The following JAKMIP3 variants were observed in gnomAD, a reference collection of about 807,000 sequenced individuals.
The protein encoded by JAKMIP3 is Janus kinase and microtubule interacting protein 3, also known as janus kinase and microtubule-interacting protein 3.
Under a neutral mutation model 118.5 loss-of-function variants are expected in JAKMIP3, and 58 were observed. That is an observed-to-expected ratio of 0.49 (90% CI 0.40 to 0.61). JAKMIP3 has a LOEUF of 0.61. Ranked by LOEUF, JAKMIP3 falls within the 20% of genes least tolerant of loss-of-function variation. JAKMIP3 has a pLI of 0.00. For missense variants in JAKMIP3, 950 were observed against 1,109.0 expected (o/e 0.86, Z 2.04); for synonymous variants, 486 against 451.2 (o/e 1.08, Z -0.98).
rs1295543355 is a variant in JAKMIP3 at position 132,180,584 on chromosome 10, CGCGTGTGT to C, written c.*1104-1771_*1104-1764del. On this transcript the variant is annotated intron_variant, in intron 23 of 23. Coordinates refer to ENST00000684848, the MANE Select transcript of JAKMIP3 (RefSeq NM_001323087.2). ...GTGTGTGTGCGTGTGTGTGTGCGTG[CGCGTGTGT>C]GTGTGCGTGCGCGTGTGTGTGTGCG... Among the ~76,000 whole-genome samples the C allele has an allele frequency of 8.1e-4, 8 of 9,864 alleles. 1 individual carries two copies. In the East Asian group the frequency reaches 0.018, roughly 22 times the overall value. 6.5% of individuals were successfully genotyped at this position (9,864 alleles called of 152,430 possible). A position where few individuals can be genotyped will look rare whatever the true frequency, so the allele number is the denominator to read the frequency against.
At chr10:132,163,528 T>G (rs1269702999) in intron 20 of JAKMIP3, 116 bp downstream of exon 20, 1 of 890,958 alleles carries the variant, frequency 1.1e-6, no homozygotes, top group East Asian at 2.7e-5. Context: ...GGCCCCACCC[T>G]CCAGTGGCCA....
At chr10:132,105,510 G>A (rs951499177) in intron 2 of JAKMIP3, among the ~76,000 whole-genome samples, 3 of 151,402 alleles carry the variant, frequency 2.0e-5, no homozygotes, top group African/African-American at 7.3e-5. Flanking sequence ...GGGAAAGATT[G>A]GGCTGTGCTG....
At chr10:132,128,330 G>T (rs1460938538) in intron 3 of JAKMIP3, among the ~76,000 whole-genome samples, 2 of 152,144 alleles carry the variant, frequency 1.3e-5, no homozygotes, top group East Asian at 1.9e-4. Flanking sequence ...CTACTTTTAA[G>T]ATATTCTCTT....
At chr10:132,139,638 C>T (rs531342602) in intron 9 of JAKMIP3, among the ~76,000 whole-genome samples, 17 of 152,336 alleles carry the variant, frequency 1.1e-4, no homozygotes, top group Non-Finnish European at 1.9e-4. Flanking sequence ...AGGCTCTCCC[C>T]GCTCGGGACC....
intron 1 of JAKMIP3, among the ~76,000 whole-genome samples, chr10:132,100,882 TG>T (rs2044777445): frequency 6.6e-6 from 1 of 151,942 alleles, no homozygotes; most frequent in African/African-American, 2.4e-5. Flanking sequence ...GCTGTGCTCC[TG>T]GGCGGGAAGG....
chr10:132,089,299 A>C (rs1317962569), intron 1 of JAKMIP3, among the ~76,000 whole-genome samples: 1 of 152,206 alleles, frequency 6.6e-6, no homozygotes, highest in East Asian at 1.9e-4. Context: ...TACCTTGGGC[A>C]GTATGGCCAT....
At chr10:132,115,197 GCGA>G (rs1485721159) in intron 2 of JAKMIP3, among the ~76,000 whole-genome samples, 5 of 95,562 alleles carry the variant, frequency 5.2e-5, no homozygotes, top group African/African-American at 1.6e-4. Flanking sequence ...GCAGGTCACC[GCGA>G]TCGCGGCTAG....
At position 132,172,148 on chromosome 10, in the gene JAKMIP3, C is replaced by T. The variant is rs117811958; in HGVS notation, c.*1103+3115C>T. Among the ~76,000 whole-genome samples, 45 of 152,224 alleles carry T rather than the reference C, an allele frequency of 3.0e-4. No individual in the cohort carries two copies. In the East Asian group the frequency reaches 8.3e-3, roughly 28 times the overall value. On this transcript the variant is annotated intron_variant, in intron 23 of 23. Coordinates refer to ENST00000684848, the MANE Select transcript of JAKMIP3 (RefSeq NM_001323087.2). ...AGTTCTTCCTCGTCACTCTTGGCCT[C>T]GACGCTTGGATAAGAACTGGCGGGT...
At position 132,183,017 on chromosome 10, in the gene JAKMIP3, C is replaced by G. The variant is rs904668370; in HGVS notation, c.*1764C>G. ...GCAAGATACTGGGCCAGTTCAGTGT[C>G]TCTAGCTGAGCCTGACCTCGGGGTT... is the stretch of plus-strand genomic sequence containing the variant. On this transcript the variant is annotated 3_prime_UTR_variant, in exon 24 of 24. Transcript: ENST00000684848. The G allele has an allele frequency of 2.0e-5, 3 of 152,214 alleles. No homozygotes were observed. The highest frequency in any genetic ancestry group is 7.2e-5 in the African/African-American group (3 of 41,450). The allele number at this position is 152,214 out of a possible 1,614,324, so 9.4% of individuals were successfully genotyped here.
At position 132,159,447 on chromosome 10, in the gene JAKMIP3, G is replaced by T. The variant is rs112955389; in HGVS notation, c.2221-3762G>T. Reference sequence around the variant, plus strand: ...TGCCGGGGGTGTGTTTTTTCTGCGTGATGCTGGGTGGGGGGGCTCTCTTCC... The same window carrying T: ...TGCCGGGGGTGTGTTTTTTCTGCGTTATGCTGGGTGGGGGGGCTCTCTTCC... On this transcript the variant is annotated intron_variant, in intron 19 of 23. Coordinates refer to ENST00000684848, the MANE Select transcript of JAKMIP3 (RefSeq NM_001323087.2). Among the ~76,000 whole-genome samples the T allele has an allele frequency of 8.7e-3, 847 of 97,188 alleles. 15 individuals carry two copies. The highest frequency in any genetic ancestry group is 0.032 in the African/African-American group (784 of 24,290). 63.8% of individuals were successfully genotyped at this position (97,188 alleles called of 152,430 possible).
chr10:132,120,087 C>T (rs1452529450), intron 3 of JAKMIP3, among the ~76,000 whole-genome samples: 2 of 152,238 alleles, frequency 1.3e-5, no homozygotes, highest in African/African-American at 2.4e-5. Flanking sequence ...AGGGTCAGGT[C>T]GTCCCCAGGG....
rs186284839 is a variant in JAKMIP3 at position 132,179,240 on chromosome 10, G to A, written c.*1104-3117G>A. The stretch of plus-strand genomic sequence containing the variant: ...TTTCCCCTCCAGCGTGAAGGGCAGG[G>A]GCCCTCAGTGCTCATCCTCCCCCAG... On this transcript the variant is annotated intron_variant, in intron 23 of 23. Coordinates refer to ENST00000684848, the MANE Select transcript of JAKMIP3 (RefSeq NM_001323087.2). This position sits in a 1 kb window ranked among gnomAD's most constrained non-coding sequence, Gnocchi z 4.3. Among the ~76,000 whole-genome samples the A allele has an allele frequency of 5.1e-3, 782 of 152,312 alleles. 7 individuals carry two copies. Among genetic ancestry groups the A allele is most frequent in the Non-Finnish European group, 8.4e-3 (573 of 68,034 alleles).
At chr10:132,111,013 C>G (rs2001813) in intron 2 of JAKMIP3, among the ~76,000 whole-genome samples, 35,509 of 152,258 alleles carry the variant, frequency 0.23, 4,370 homozygotes, top group African/African-American at 0.32. Context: ...CACTGCCCGC[C>G]CTCCTGCAGG....
intron 2 of JAKMIP3, among the ~76,000 whole-genome samples, chr10:132,105,170 G>A (rs1488169109): frequency 6.6e-6 from 1 of 152,236 alleles, no homozygotes; most frequent in East Asian, 1.9e-4. Flanking sequence ...ACCACGCTGA[G>A]CTCACAGAAA....
At chr10:132,170,630 G>A (rs2059400929) in intron 23 of JAKMIP3, among the ~76,000 whole-genome samples, 1 of 152,180 alleles carries the variant, frequency 6.6e-6, no homozygotes, top group African/African-American at 2.4e-5. Flanking sequence ...GTGACTCGGA[G>A]CTTCTCCTGC....
chr10:132,124,350 A>G (rs186826072), intron 3 of JAKMIP3, among the ~76,000 whole-genome samples: 1,762 of 134,670 alleles, frequency 0.013, 17 homozygotes, highest in Middle Eastern at 0.025. Context: ...TTGCCACGTG[A>G]TCACACGTCC....
At chr10:132,106,617 C>T (rs1489938358) in intron 2 of JAKMIP3, among the ~76,000 whole-genome samples, 9 of 152,172 alleles carry the variant, frequency 5.9e-5, no homozygotes, top group South Asian at 2.1e-4. Flanking sequence ...AGTAAATGTG[C>T]GTCTAGCACC....
At position 132,091,922 on chromosome 10, in the gene JAKMIP3, T is replaced by C. The variant is rs2043145860; in HGVS notation, c.-137-12750T>C. Among the ~76,000 whole-genome samples the C allele has an allele frequency of 2.0e-5, 3 of 152,242 alleles. No homozygotes were observed. The South Asian group carries it at 6.2e-4, about 31-fold the overall frequency. ...CAGTGGCTGGTACTGGTTGTTCCTT[T>C]CCATGTTTAGTGTTTCCTTCAGGAG... On this transcript the variant is annotated intron_variant, in intron 1 of 23. Coordinates refer to ENST00000684848, the MANE Select transcript of JAKMIP3 (RefSeq NM_001323087.2).
intron 2 of JAKMIP3, among the ~76,000 whole-genome samples, chr10:132,108,328 C>T (rs2046236297): frequency 6.8e-6 from 1 of 146,798 alleles, no homozygotes; most frequent in Non-Finnish European, 1.5e-5. Context: ...CTCCTCTGGC[C>T]AGCTCTCTCC....
Sources: allele counts gnomAD v4.1 joint callset (sites outside exome capture counted in the v4.1 genomes callset), GRCh38; gene constraint gnomAD v4.1.1; non-coding constraint Gnocchi (gnomAD v3.1); transcripts MANE v1.5; gene names NCBI Gene and HGNC (gene_info 2026-07-23, HGNC 2026-07-21).